SAP30L: variants seen among roughly 807,000 people sequenced by gnomAD.
SAP30L encodes SAP30 like.
A neutral mutation model predicts 22.3 loss-of-function variants in SAP30L; 10 were observed. The ratio of observed to expected loss-of-function variants is 0.45; its 90% CI spans 0.28 to 0.76. The LOEUF (loss-of-function observed/expected upper bound fraction) is 0.76. Ranked by LOEUF, SAP30L falls within the 30% of genes least tolerant of loss-of-function variation. SAP30L has a pLI of 0.14. For synonymous variants in SAP30L, 91 were observed against 94.1 expected, an observed-to-expected ratio of 0.97 and a Z score of 0.19; for missense variants, 206 against 237.9, an observed-to-expected ratio of 0.87 and a Z score of 0.88.
At chr5:154,453,237 G>C in intron 2 of SAP30L, 165 bp from the exon 3 acceptor site, 1 of 532,034 alleles carries the variant, frequency 1.9e-6, no homozygotes, top group Non-Finnish European at 3.4e-6. Flanking sequence ...TGTTATTTTT[G>C]CCCTCCTAGC....
intron 2 of SAP30L, chr5:154,453,165 A>C (rs574230031): frequency 6.8e-6 from 3 of 439,398 alleles, no homozygotes; most frequent in African/African-American, 3.9e-5. Flanking sequence ...CCTTAGCTTA[A>C]GCTTTACCTT....
At position 154,460,244 on chromosome 5, in the gene SAP30L, G is replaced by C. The variant is rs1757346955; in HGVS notation, c.*4216G>C. The C allele has an allele frequency of 6.6e-6, 1 of 152,232 alleles. No homozygotes were observed. The allele number at this position is 152,232 out of a possible 1,614,324, so 9.4% of individuals were successfully genotyped here. A position where few individuals can be genotyped will look rare whatever the true frequency, so the allele number is the denominator to read the frequency against. ...GCAAAATGAGTGGTAAGGGAAAACA[G>C]ATCTAGCCTGTTATTTAAAACCAGG... is the stretch of plus-strand genomic sequence containing the variant. On this transcript the variant is annotated 3_prime_UTR_variant, in exon 4 of 4. Transcript: ENST00000297109.
chr5:154,446,653 G>C lies in SAP30L; in HGVS notation c.49G>C (p.Ala17Pro). ...GGACAGCCGCGAAGGGCCCCCCGCC[G>C]CCCCAGCTGCCGCCGCCCCGGGCTA... ...EEDSREGPPA[A>P]PAAAAPGYGQ... is the part of the protein sequence containing the mutation. The change falls in exon 1 of 4, where the codon GCC becomes CCC. Residue 17 changes from alanine to proline, a missense_variant. By Grantham distance (27) the Ala-to-Pro change is conservative. Around this residue, in one of 2 missense-constraint regions of SAP30L, gnomAD observed 70 missense variants for 50.5 expected, o/e 1.39. Transcript: ENST00000297109. The C allele has an allele frequency of 6.5e-7, 1 of 1,539,484 alleles. No homozygotes were observed. The highest frequency in any genetic ancestry group is 8.7e-7 in the Non-Finnish European group (1 of 1,146,086).
In SAP30L at chr5:154,455,891, C is replaced by G. The variant is rs181538456; in HGVS notation, c.424-9C>G. On this transcript the variant is annotated splice_polypyrimidine_tract_variant and intron_variant, in intron 3 of 3. Coordinates refer to ENST00000297109, the MANE Select transcript of SAP30L (RefSeq NM_024632.6). ...GTTTAAGGAACTTTGGTATTTTCCC[C>G]CCACATAGACTGTGAGTCGACACTT... The G allele has an allele frequency of 6.2e-6, 10 of 1,601,086 alleles. No individual in the cohort carries two copies. In the Admixed American group the frequency reaches 1.8e-4, roughly 29 times the overall value.
intron 1 of SAP30L, among the ~76,000 whole-genome samples, 196 bp from the exon 2 acceptor site, chr5:154,450,895 G>T (rs144219046): frequency 6.6e-6 from 1 of 152,160 alleles, no homozygotes; most frequent in African/African-American, 2.4e-5. Flanking sequence ...TGTATGATAC[G>T]CTGCCAAGTG....
Position 154,451,200 on chromosome 5 carries a change from C to G in SAP30L, c.311C>G (p.Thr104Ser). 2 of 1,613,854 alleles carry G rather than the reference C, an allele frequency of 1.2e-6. No individual in the cohort carries two copies. Among genetic ancestry groups the G allele is most frequent in the African/African-American group, 1.3e-5 (1 of 75,006 alleles). The part of the protein sequence containing the change: ...DDGGDSPEHD[T>S]DIPEVDLFQL... ...GGCGGAGATTCTCCCGAGCACGACA[C>G]TGACATTCCTGAGGTAAAGGTCAAA... Residue 104 changes from threonine to serine, a missense_variant, in exon 2 of 4, where the codon ACT (threonine) becomes AGT (serine). Coordinates refer to ENST00000297109, the MANE Select transcript of SAP30L (RefSeq NM_024632.6).
chr5:154,446,886 C>T, intron 1 of SAP30L, 81 bp downstream of exon 1: 5 of 1,234,282 alleles, frequency 4.1e-6, no homozygotes, highest in Non-Finnish European at 5.6e-6. Context: ...CGGGACTCCC[C>T]GGGCACTCCC....
chr5:154,449,155 T>C (rs10040140), intron 1 of SAP30L, among the ~76,000 whole-genome samples: 1,722 of 152,328 alleles, frequency 0.011, 32 homozygotes, highest in African/African-American at 0.039. Context: ...ACACCAGAAA[T>C]TCAATTCAGG....
chr5:154,455,084 A>G (rs1180156054), intron 3 of SAP30L, among the ~76,000 whole-genome samples: 1 of 151,938 alleles, frequency 6.6e-6, no homozygotes, highest in Non-Finnish European at 1.5e-5. Context: ...CACCCGGCTA[A>G]TCTTTGTATT....
In SAP30L at chr5:154,446,942, C is replaced by G. The variant is rs1191579867; in HGVS notation, c.201+137C>G. The G allele has an allele frequency of 4.4e-6, 3 of 678,106 alleles. No homozygotes were observed. The East Asian group carries it at 9.0e-5, about 20-fold the overall frequency. The allele number at this position is 678,106 out of a possible 1,614,324, so 42.0% of individuals were successfully genotyped here. ...CGGCTCTGCAGAACTGAGTTGGACT[C>G]CGCATTTCAAAGGCCGCTCCAGCGC... On this transcript the variant is annotated intron_variant, in intron 1 of 3. Coordinates refer to ENST00000297109, the MANE Select transcript of SAP30L (RefSeq NM_024632.6).
In SAP30L at chr5:154,446,644, C is replaced by G; in HGVS notation, c.40C>G (p.Pro14Ala). The change falls in exon 1 of 4, where the codon CCC becomes GCC. Residue 14 changes from proline (P) to alanine (A), a missense_variant. Pro to Ala is a conservative substitution (Grantham distance 27). This residue lies in a region of SAP30L where 70 missense variants were observed against 50.5 expected (regional missense o/e 1.39). Transcript: ENST00000297109. ...CACGGAGGAGGACAGCCGCGAAGGG[C>G]CCCCCGCCGCCCCAGCTGCCGCCGC... is the stretch of plus-strand genomic sequence containing the variant. ...FSTEEDSREGPPAAPAAAAPG... is the reference protein window; with the variant it reads ...FSTEEDSREGAPAAPAAAAPG... 3.3e-6 allele frequency: 5 copies of G among 1,529,874 alleles called. No individual in the cohort carries two copies. In the South Asian group the frequency reaches 6.1e-5, roughly 19 times the overall value. The allele number at this position is 1,529,874 out of a possible 1,614,324, so 94.8% of individuals were successfully genotyped here. A position where few individuals can be genotyped will look rare whatever the true frequency, so the allele number is the denominator to read the frequency against.
At chr5:154,455,797 G>A (rs903236375) in intron 3 of SAP30L, 103 bp from the exon 4 acceptor site, 50 of 1,397,538 alleles carry the variant, frequency 3.6e-5, no homozygotes, top group African/African-American at 7.2e-5. Flanking sequence ...TGTCATTCCC[G>A]CCACAGCATG....
At chr5:154,446,881 C>A in intron 1 of SAP30L, 76 bp downstream of exon 1, 1 of 1,312,640 alleles carries the variant, frequency 7.6e-7, no homozygotes, top group Non-Finnish European at 1.1e-6. Context: ...CCAGTCGGGA[C>A]TCCCCGGGCA....
chr5:154,448,988 A>AG (rs1484592321), intron 1 of SAP30L, among the ~76,000 whole-genome samples: 14 of 152,092 alleles, frequency 9.2e-5, no homozygotes, highest in Non-Finnish European at 1.3e-4. Flanking sequence ...AAAAAAAAAA[A>AG]CTAGAGCCTT....
In SAP30L at chr5:154,446,647, C is replaced by CCCGCCGCCCCAGCTG. The variant is rs778692086; in HGVS notation, c.54_68dup (p.Ala19_Pro23dup). ...GGAGGAGGACAGCCGCGAAGGGCCCCCCGCCGCCCCAGCTGCCGCCGCCCC... is the reference window on the plus strand; with the variant it reads ...GGAGGAGGACAGCCGCGAAGGGCCCCCCGCCGCCCCAGCTGCCGCCGCCCCAGCTGCCGCCGCCCC... On this transcript the variant is annotated inframe_insertion, in exon 1 of 4. Coordinates refer to ENST00000297109, the MANE Select transcript of SAP30L (RefSeq NM_024632.6). 1.1e-3 allele frequency: 1,662 copies of CCCGCCGCCCCAGCTG among 1,535,646 alleles called. 1 individual carries two copies. The highest frequency in any genetic ancestry group is 1.2e-3 in the Non-Finnish European group (1,429 of 1,143,972).
At chr5:154,447,701 T>C (rs1375285121) in intron 1 of SAP30L, among the ~76,000 whole-genome samples, 1 of 152,220 alleles carries the variant, frequency 6.6e-6, no homozygotes, top group African/African-American at 2.4e-5. Context: ...CATTCTCTTC[T>C]AGAATCAGAA....
chr5:154,447,969 C>CTTTTTTTTTTTTTTTTTTTT (rs140213326), intron 1 of SAP30L, among the ~76,000 whole-genome samples: 42 of 88,372 alleles, frequency 4.8e-4, no homozygotes, highest in East Asian at 1.3e-3. Flanking sequence ...TTTTCTTTTT[C>CTTTTTTTTTTTTTTTTTTTT]TTTTTTTTTT....
At chr5:154,449,341 T>A (rs570544877) in intron 1 of SAP30L, among the ~76,000 whole-genome samples, 2 of 152,284 alleles carry the variant, frequency 1.3e-5, no homozygotes, top group Non-Finnish European at 2.9e-5. Flanking sequence ...GCAGAAGGCC[T>A]GGGTGACCTT....
At chr5:154,452,549 C>G in intron 2 of SAP30L, 1 of 865,660 alleles carries the variant, frequency 1.2e-6, no homozygotes, top group South Asian at 5.3e-5. Context: ...GACTATGCAG[C>G]TTTCCTCTCT....
Sources: gnomAD v4.1 joint callset for allele counts (sites outside exome capture counted in the v4.1 genomes callset) on GRCh38, gnomAD v4.1.1 for gene constraint, gnomAD v4.1.1 regional missense constraint, MANE v1.5 for transcripts, NCBI Gene and HGNC (gene_info 2026-07-23, HGNC 2026-07-21) for gene names.